The following PROX1 variants were observed in gnomAD, a reference collection of about 807,000 sequenced individuals.
The protein encoded by PROX1 is prospero homeobox protein 1.
A neutral mutation model predicts 58.8 loss-of-function variants in PROX1; 7 were observed. That is an observed-to-expected ratio of 0.12 (90% CI 0.07 to 0.22). The LOEUF is 0.22. Ranked by LOEUF, PROX1 falls within the 10% of genes least tolerant of loss-of-function variation. The pLI, the probability that PROX1 is intolerant of heterozygous loss-of-function variation, is 1.00. For missense variants in PROX1, 675 were observed against 927.8 expected, an observed-to-expected ratio of 0.73 and a Z score of 3.54; for synonymous variants, 350 against 358.3, an observed-to-expected ratio of 0.98 and a Z score of 0.26.
chr1:213,996,955 T>C lies in PROX1; in HGVS notation c.420T>C (p.Cys140=). ...CTTCAAGAGACAGCCCCCCAGAGTG[T>C]CTTTCCCCTTTTGGCAGGCCTACTA... ...SNSSRDSPPE[C]LSPFGRPTMS... is the part of the protein sequence containing the mutation. The change falls in exon 2 of 5, where the codon TGT becomes TGC. Residue 140 remains cysteine, a synonymous_variant. Coordinates refer to ENST00000366958, the MANE Select transcript of PROX1 (RefSeq NM_001270616.2). 6.2e-7 allele frequency: 1 copy of C among 1,614,002 alleles called. No individual in the cohort carries two copies. Among genetic ancestry groups the C allele is most frequent in the South Asian group, 1.1e-5 (1 of 91,064 alleles).
intron 1 of PROX1, among the ~76,000 whole-genome samples, chr1:213,995,546 A>G (rs1663231603): frequency 6.6e-6 from 1 of 151,818 alleles, no homozygotes; most frequent in Non-Finnish European, 1.5e-5. Context: ...CATTGGACAT[A>G]TTATTTTGGC....
chr1:214,032,960 C>A (rs1315539265), intron 4 of PROX1, among the ~76,000 whole-genome samples: 1 of 152,118 alleles, frequency 6.6e-6, no homozygotes. Flanking sequence ...GCATACAACC[C>A]CCAAAGAAGT....
At position 214,039,876 on chromosome 1, in the gene PROX1, A is replaced by T. The variant is rs1161415204; in HGVS notation, c.*4042A>T. 6.6e-6 allele frequency: 1 copy of T among 152,164 alleles called. No individual in the cohort carries two copies. The highest frequency in any genetic ancestry group is 1.5e-5 in the Non-Finnish European group (1 of 68,048). The allele number at this position is 152,164 out of a possible 1,614,324, so 9.4% of individuals were successfully genotyped here. ...AGCTAATGATTTGGGGACTTTAAAA[A>T]ATAGGATGTCCTCCAGGAACAATCA... On this transcript the variant is annotated 3_prime_UTR_variant, in exon 5 of 5. Transcript: ENST00000366958.
At position 214,034,129 on chromosome 1, in the gene PROX1, T is replaced by A. The variant is rs76638640; in HGVS notation, c.2029-1520T>A. On this transcript the variant is annotated intron_variant, in intron 4 of 4. Transcript: ENST00000366958. ...TTTTTTTCTGCAGAGTTATTACATT[T>A]CTTTATAAACAACAATTAACTTGCC... Among the ~76,000 whole-genome samples, 1,334 of 152,334 alleles carry A rather than the reference T, an allele frequency of 8.8e-3. 15 individuals carry two copies. Among genetic ancestry groups the A allele is most frequent in the African/African-American group, 0.03 (1,229 of 41,566 alleles).
rs574419096 is a variant in PROX1, at chr1:213,997,303, G to A, written c.768G>A (p.Lys256=). 8.7e-6 allele frequency: 14 copies of A among 1,614,122 alleles called. No individual in the cohort carries two copies. Among genetic ancestry groups the A allele is most frequent in the African/African-American group, 1.3e-5 (1 of 75,050 alleles). Reference sequence around the variant, plus strand: ...AACAGCTGCGCCAGCTGCAGGAAAAGTTCTACCAAATCTATGACAGCACTG... The same window carrying A: ...AACAGCTGCGCCAGCTGCAGGAAAAATTCTACCAAATCTATGACAGCACTG... ...MQKQLRQLQE[K]FYQIYDSTDS... Residue 256 remains lysine, a synonymous_variant, in exon 2 of 5, where the codon AAG becomes AAA. Transcript: ENST00000366958. The surrounding 1 kb of genome is among the most constrained non-coding windows in gnomAD (Gnocchi z 7.1).
At chr1:213,987,439 A>G (rs896941119), upstream of PROX1, 2 of 132,644 alleles carry the variant, frequency 1.5e-5, no homozygotes, top group Non-Finnish European at 3.2e-5. Context: ...CACCCCTAAA[A>G]CCCCCACTTT....
chr1:213,987,618 C>T (rs1662857773), upstream of PROX1: 2 of 147,484 alleles, frequency 1.4e-5, no homozygotes, highest in Admixed American at 6.6e-5. Context: ...GGGCGCCGCT[C>T]GCGCCGTCTC....
chr1:214,017,682 C>T (rs1173740500), intron 4 of PROX1, among the ~76,000 whole-genome samples: 23 of 152,048 alleles, frequency 1.5e-4, no homozygotes, highest in Non-Finnish European at 4.4e-5. Context: ...CCCTCACCTC[C>T]CGCACCCCCC....
intron 3 of PROX1, among the ~76,000 whole-genome samples, chr1:214,007,428 T>C (rs1663756188): frequency 6.6e-6 from 1 of 152,230 alleles, no homozygotes; most frequent in African/African-American, 2.4e-5. Flanking sequence ...TCTTTTATTT[T>C]TGGAAGGAAT....
chr1:214,019,351 G>A (rs12081352), intron 4 of PROX1, among the ~76,000 whole-genome samples: 1 of 152,082 alleles, frequency 6.6e-6, no homozygotes. Context: ...CACGGGTTCT[G>A]GGAAATTTGT....
rs1665001206 is a variant in PROX1 at position 214,041,448 on chromosome 1, G to A, written c.*5614G>A. ...CTTTAGATGCTTGGAATAATTGCTT[G>A]GATTTCTCTCTCTGAAACATCTTTC... On this transcript the variant is annotated 3_prime_UTR_variant, in exon 5 of 5. Transcript: ENST00000366958. 6.6e-6 allele frequency: 1 copy of A among 150,642 alleles called. No individual in the cohort carries two copies. The highest frequency in any genetic ancestry group is 2.4e-5 in the African/African-American group (1 of 40,888). The allele number at this position is 150,642 out of a possible 1,614,324, so 9.3% of individuals were successfully genotyped here. A position where few individuals can be genotyped will look rare whatever the true frequency, so the allele number is the denominator to read the frequency against.
At chr1:214,027,856 T>TTA (rs139270548) in intron 4 of PROX1, among the ~76,000 whole-genome samples, 10,313 of 144,890 alleles carry the variant, frequency 0.071, 468 homozygotes, top group Admixed American at 0.18. Context: ...TTTCGAAGCT[T>TTA]TATATATATA....
intron 4 of PROX1, among the ~76,000 whole-genome samples, chr1:214,020,223 C>A (rs886903664): frequency 1.3e-5 from 2 of 152,102 alleles, no homozygotes; most frequent in Non-Finnish European, 2.9e-5. Context: ...CCACTCTGCC[C>A]CCCTCACTAT....
intron 4 of PROX1, among the ~76,000 whole-genome samples, chr1:214,013,614 CT>C (rs1280706244): frequency 6.6e-6 from 1 of 152,156 alleles, no homozygotes; most frequent in Non-Finnish European, 1.5e-5. Context: ...ATTTAATCCG[CT>C]ACCCACAGGC....
chr1:214,002,219 G>A (rs538541471), intron 2 of PROX1, among the ~76,000 whole-genome samples: 38 of 152,170 alleles, frequency 2.5e-4, no homozygotes, highest in African/African-American at 8.2e-4. Context: ...TGCCTCCGCT[G>A]CTCCTCCCGT....
intron 4 of PROX1, among the ~76,000 whole-genome samples, chr1:214,027,095 C>T (rs139032472): frequency 2.6e-5 from 4 of 152,240 alleles, no homozygotes; most frequent in East Asian, 1.9e-4. Flanking sequence ...CCTGCTTTCC[C>T]GTTGCCACTT....
intron 4 of PROX1, among the ~76,000 whole-genome samples, chr1:214,013,010 G>A (rs1001227488): frequency 2.0e-5 from 3 of 152,072 alleles, no homozygotes; most frequent in African/African-American, 7.2e-5. Context: ...GAATATGGAA[G>A]CTCAGCAATG....
chr1:214,010,638 T>C (rs533450836), intron 3 of PROX1, among the ~76,000 whole-genome samples: 1 of 152,360 alleles, frequency 6.6e-6, no homozygotes, highest in East Asian at 1.9e-4. Flanking sequence ...AGCAGAGGAC[T>C]GTCAATAAGG....
rs756065973 is a variant in PROX1 at position 213,997,509 on chromosome 1, C to T, written c.974C>T (p.Pro325Leu). The stretch of plus-strand genomic sequence containing the variant: ...GAGCAGGAAATGGCTGAAAACAAGC[C>T]GAAGCGAGAAGGCAACAACAAAGAA... The part of the protein sequence containing the change: ...IREQEMAENK[P>L]KREGNNKERD... The change falls in exon 2 of 5, where the codon CCG becomes CTG. Residue 325 changes from proline (P) to leucine (L), a missense_variant. By Grantham distance (98) the Pro-to-Leu change is moderately conservative. Transcript: ENST00000366958. This position sits in a 1 kb window ranked among gnomAD's most constrained non-coding sequence, Gnocchi z 7.1. The T allele has an allele frequency of 1.2e-6, 2 of 1,613,976 alleles. No homozygotes were observed. Among genetic ancestry groups the T allele is most frequent in the South Asian group, 1.1e-5 (1 of 91,072 alleles).
Sources: allele counts gnomAD v4.1 joint callset (sites outside exome capture counted in the v4.1 genomes callset), GRCh38; gene constraint gnomAD v4.1.1; non-coding constraint Gnocchi (gnomAD v3.1); transcripts MANE v1.5; gene names NCBI Gene and HGNC (gene_info 2026-07-23, HGNC 2026-07-21).